The following GSE1 variants were observed in gnomAD, a reference collection of about 807,000 sequenced individuals.
The protein encoded by GSE1 is genetic suppressor element 1.
In GSE1, 32 loss-of-function variants were observed where a neutral mutation model predicts 112.6. The ratio of observed to expected loss-of-function variants is 0.28; its 90% CI spans 0.21 to 0.38. The LOEUF (loss-of-function observed/expected upper bound fraction) is 0.38, where lower values mean the gene tolerates loss of function less well. Among genes scored for constraint, GSE1 ranks in the 10% least tolerant of loss-of-function variants. GSE1 has a pLI of 1.00. For missense variants in GSE1, 2,348 were observed against 1,699.2 expected, an observed-to-expected ratio of 1.38 and a Z score of -6.71; for synonymous variants, 1,115 against 735.6, an observed-to-expected ratio of 1.52 and a Z score of -8.35.
At chr16:85,241,040 T>C (rs551955848) in intron 1 of GSE1, among the ~76,000 whole-genome samples, 1 of 152,278 alleles carries the variant, frequency 6.6e-6, no homozygotes, top group South Asian at 2.1e-4. Flanking sequence ...CCATCTTCCA[T>C]GGATGCCTGT....
intron 1 of GSE1, among the ~76,000 whole-genome samples, chr16:85,189,552 C>T (rs2074780204): frequency 1.3e-5 from 2 of 152,236 alleles, no homozygotes; most frequent in South Asian, 2.1e-4. Context: ...CTTTAAAAAC[C>T]ACAGTAAATA....
At chr16:85,426,769 T>C (rs1057487320) in intron 2 of GSE1, among the ~76,000 whole-genome samples, 5 of 152,068 alleles carry the variant, frequency 3.3e-5, no homozygotes, top group Non-Finnish European at 7.4e-5. Flanking sequence ...CACAGAAAAA[T>C]ATCCTCTTAA....
At chr16:85,661,890 C>A in intron 9 of GSE1, 125 bp downstream of exon 9, 2 of 970,058 alleles carry the variant, frequency 2.1e-6, no homozygotes, top group Non-Finnish European at 2.9e-6. Flanking sequence ...GTCCCAGGCC[C>A]CAGGTGGCAA....
intron 2 of GSE1, among the ~76,000 whole-genome samples, chr16:85,372,624 G>T (rs1225801879): frequency 6.6e-6 from 1 of 152,120 alleles, no homozygotes; most frequent in African/African-American, 2.4e-5. Context: ...TATTCAAACA[G>T]GATTCGTGCA....
At chr16:85,171,845 C>T in intron 1 of GSE1, 1 of 950,004 alleles carries the variant, frequency 1.1e-6, no homozygotes, top group Non-Finnish European at 1.3e-6. Context: ...GACGCTTCCT[C>T]CAAAATCCAT....
chr16:85,182,377 G>C (rs1400860295), intron 1 of GSE1, among the ~76,000 whole-genome samples: 1 of 152,214 alleles, frequency 6.6e-6, no homozygotes, highest in Non-Finnish European at 1.5e-5. Flanking sequence ...TGGCCTTCAG[G>C]TGGCCTCACG....
chr16:85,379,167 C>CT (rs1217240513), intron 2 of GSE1, among the ~76,000 whole-genome samples: 1 of 152,222 alleles, frequency 6.6e-6, no homozygotes, highest in East Asian at 1.9e-4. Context: ...TCCTCGATGG[C>CT]TGCCCCTCCC....
chr16:85,305,517 G>A lies in GSE1; in HGVS notation c.2284-51946G>A, dbSNP rs548280934. On this transcript the variant is annotated intron_variant, in intron 1 of 2. Transcript: ENST00000637419. ...TGTTTTTGAGACGGAGTCTTGCTCT[G>A]TCACCCAGGCTGGAGTGCAGTGGTG... is the stretch of plus-strand genomic sequence containing the variant. 1.1e-3 allele frequency among the ~76,000 whole-genome samples: 173 copies of A among 151,764 alleles called. 2 individuals are homozygous for A. The highest frequency in any genetic ancestry group is 4.0e-3 in the African/African-American group (166 of 41,376).
At chr16:85,648,376 C>T (rs546199028) in intron 2 of GSE1, among the ~76,000 whole-genome samples, 176 bp from the exon 3 acceptor site, 1 of 152,166 alleles carries the variant, frequency 6.6e-6, no homozygotes, top group Admixed American at 6.5e-5. Context: ...CCGATCGGGC[C>T]TCAGGAGAGG....
At chr16:85,261,412 T>C (rs1436927842) in intron 1 of GSE1, among the ~76,000 whole-genome samples, 1 of 152,252 alleles carries the variant, frequency 6.6e-6, no homozygotes, top group African/African-American at 2.4e-5. Context: ...GTGCCTGACT[T>C]CTGGCAAGGG....
chr16:85,472,304 T>G (rs2050319498), intron 2 of GSE1, among the ~76,000 whole-genome samples: 1 of 152,154 alleles, frequency 6.6e-6, no homozygotes, highest in South Asian at 2.1e-4. Flanking sequence ...AGGGCTGTGC[T>G]CCCTCTGGAG....
At chr16:85,521,027 T>C (rs1435070654) in intron 2 of GSE1, among the ~76,000 whole-genome samples, 1 of 152,098 alleles carries the variant, frequency 6.6e-6, no homozygotes, top group Non-Finnish European at 1.5e-5. Context: ...TGAGGAGCCT[T>C]TGGGAGCCCA....
chr16:85,507,158 C>T lies in GSE1; in HGVS notation c.2465-126756C>T, dbSNP rs574909940. Reference sequence around the variant, plus strand: ...GTCGACGCTCGCCGGCCCTGAACCACGTTTTAATTTGCCAGTCTGTGGGTT... The same window carrying T: ...GTCGACGCTCGCCGGCCCTGAACCATGTTTTAATTTGCCAGTCTGTGGGTT... On this transcript the variant is annotated intron_variant, in intron 2 of 2. Transcript: ENST00000637419. Among the ~76,000 whole-genome samples, 19 of 152,338 alleles carry T rather than the reference C, an allele frequency of 1.2e-4. No individual in the cohort carries two copies. The South Asian group carries it at 1.7e-3, about 13-fold the overall frequency.
intron 1 of GSE1, among the ~76,000 whole-genome samples, chr16:85,331,567 A>ATATGTG (rs2046361974): frequency 1.5e-5 from 1 of 66,314 alleles, no homozygotes; most frequent in Non-Finnish European, 2.7e-5. Flanking sequence ...GTATATGTGT[A>ATATGTG]TATATGTGTA....
At chr16:85,222,030 G>T (rs1187542825) in intron 1 of GSE1, among the ~76,000 whole-genome samples, 1 of 152,184 alleles carries the variant, frequency 6.6e-6, no homozygotes, top group Non-Finnish European at 1.5e-5. Flanking sequence ...GTCAGCCTCG[G>T]GTCTGCTGGG....
chr16:85,584,722 C>T (rs535565716), intron 1 of GSE1, among the ~76,000 whole-genome samples: 86 of 152,354 alleles, frequency 5.6e-4, no homozygotes, highest in African/African-American at 1.7e-3. Flanking sequence ...TTGGGCTGAA[C>T]GATAAAATTC....
At chr16:85,374,890 C>T (rs1022230116) in intron 2 of GSE1, among the ~76,000 whole-genome samples, 1 of 152,226 alleles carries the variant, frequency 6.6e-6, no homozygotes, top group African/African-American at 2.4e-5. Context: ...TCTCGTCACT[C>T]CTCCTGGTGA....
rs549746390 is a variant in GSE1 at position 85,302,221 on chromosome 16, C to T, written c.2284-55242C>T. ...GGACTCGAATGCACACTCTAATCTT[C>T]GCTTGGCGGTTCAGCTTTCAGGAGC... On this transcript the variant is annotated intron_variant, in intron 1 of 2. Transcript: ENST00000637419. 1.1e-4 allele frequency among the ~76,000 whole-genome samples: 16 copies of T among 152,326 alleles called. No individual in the cohort carries two copies. The East Asian group carries it at 2.9e-3, about 28-fold the overall frequency.
At chr16:85,475,428 C>T (rs1054009898) in intron 2 of GSE1, among the ~76,000 whole-genome samples, 1 of 152,244 alleles carries the variant, frequency 6.6e-6, no homozygotes, top group Non-Finnish European at 1.5e-5. Flanking sequence ...TGTAGAGGCA[C>T]CTGGTGTCCT....
Sources: gnomAD v4.1 joint callset for allele counts (sites outside exome capture counted in the v4.1 genomes callset) on GRCh38, gnomAD v4.1.1 for gene constraint, MANE v1.5 for transcripts, NCBI Gene and HGNC (gene_info 2026-07-23, HGNC 2026-07-21) for gene names.